Variants in ATG7 observed in about 807,000 individuals in gnomAD.
ATG7 encodes ubiquitin-like modifier-activating enzyme ATG7.
In ATG7, 70 loss-of-function variants were observed where a neutral mutation model predicts 82.4. The observed-to-expected ratio is 0.85, with a 90% CI of 0.70 to 1.04. ATG7 has a LOEUF of 1.04. Among genes scored for constraint, ATG7 ranks in the 50% least tolerant of loss-of-function variants. The pLI is 0.00. For synonymous variants in ATG7, 287 were observed against 313.0 expected (o/e 0.92, Z 0.88); for missense variants, 792 against 864.3 (o/e 0.92, Z 1.05).
intron 9 of ATG7, among the ~76,000 whole-genome samples, chr3:11,323,713 C>A (rs1950498502): frequency 6.6e-6 from 1 of 152,204 alleles, no homozygotes; most frequent in South Asian, 2.1e-4. Flanking sequence ...TGGACAAGAG[C>A]AATAGCCAAG....
intron 11 of ATG7, among the ~76,000 whole-genome samples, chr3:11,334,638 G>C (rs1252408098): frequency 2.0e-5 from 3 of 151,830 alleles, no homozygotes; most frequent in African/African-American, 7.3e-5. Flanking sequence ...AAATGTGTGT[G>C]TGTGTGATGG....
chr3:11,358,008 CAAAA>C (rs549902316), intron 14 of ATG7, among the ~76,000 whole-genome samples: 1 of 80,908 alleles, frequency 1.2e-5, no homozygotes, highest in African/African-American at 4.1e-5. Flanking sequence ...GACCTTGTCT[CAAAA>C]AAAAAAAAAA....
chr3:11,361,466 G>C (rs1235430632), intron 16 of ATG7, among the ~76,000 whole-genome samples: 1 of 151,776 alleles, frequency 6.6e-6, no homozygotes, highest in Non-Finnish European at 1.5e-5. Flanking sequence ...TGTATTTTTA[G>C]TAGAGACGGG....
At chr3:11,468,574 G>C (rs536379304) in intron 20 of ATG7, among the ~76,000 whole-genome samples, 9 of 152,220 alleles carry the variant, frequency 5.9e-5, no homozygotes, top group African/African-American at 2.2e-4. Flanking sequence ...TAGCCCTCTC[G>C]ATCCCCACAG....
intron 19 of ATG7, among the ~76,000 whole-genome samples, chr3:11,393,639 G>A (rs1256686787): frequency 6.6e-6 from 1 of 152,136 alleles, no homozygotes; most frequent in East Asian, 1.9e-4. Context: ...GCTCACCATG[G>A]GGCAGAGAAG....
At chr3:11,307,445 C>T (rs1173651492) in intron 6 of ATG7, among the ~76,000 whole-genome samples, 2 of 152,218 alleles carry the variant, frequency 1.3e-5, no homozygotes, top group Non-Finnish European at 1.5e-5. Context: ...CAATCCTGTG[C>T]ACCATGGCGG....
intron 3 of ATG7, chr3:11,288,799 T>G (rs930342924): frequency 1.1e-4 from 16 of 152,192 alleles, no homozygotes; most frequent in Non-Finnish European, 1.9e-4. Context: ...GTGACTGAGT[T>G]TTATTTTCAT....
chr3:11,442,745 A>C (rs1490954074), intron 20 of ATG7, among the ~76,000 whole-genome samples: 23 of 132,388 alleles, frequency 1.7e-4, no homozygotes, highest in South Asian at 2.3e-4. Flanking sequence ...TCTACAAAAA[A>C]AAAAAAAAAA....
At chr3:11,524,773 C>CA (rs1351390388) in intron 20 of ATG7, among the ~76,000 whole-genome samples, 2 of 151,674 alleles carry the variant, frequency 1.3e-5, no homozygotes, top group Non-Finnish European at 2.9e-5. Flanking sequence ...GGCAACAGAG[C>CA]AAAACCCTGT....
At chr3:11,324,349 T>C (rs1205750311) in intron 9 of ATG7, among the ~76,000 whole-genome samples, 2 of 152,368 alleles carry the variant, frequency 1.3e-5, no homozygotes, top group East Asian at 3.9e-4. Flanking sequence ...AGATAGATTC[T>C]GAGTTGATTC....
At chr3:11,537,518 C>A (rs555308179) in intron 20 of ATG7, among the ~76,000 whole-genome samples, 3 of 152,302 alleles carry the variant, frequency 2.0e-5, no homozygotes, top group Non-Finnish European at 4.4e-5. Context: ...AGACTTCCTT[C>A]ATAGAGCCCC....
chr3:11,303,831 T>C (rs1345875214), intron 5 of ATG7, among the ~76,000 whole-genome samples: 1 of 150,914 alleles, frequency 6.6e-6, no homozygotes, highest in Non-Finnish European at 1.5e-5. Flanking sequence ...TCCCAGCACT[T>C]TGGGAGGCCG....
chr3:11,388,712 G>GC (rs1405145443), intron 19 of ATG7, among the ~76,000 whole-genome samples: 1 of 151,976 alleles, frequency 6.6e-6, no homozygotes, highest in African/African-American at 2.4e-5. Context: ...ACAGGTGTGA[G>GC]CCACTGCGCC....
intron 18 of ATG7, among the ~76,000 whole-genome samples, chr3:11,366,779 A>G (rs1372990087): frequency 2.6e-5 from 4 of 152,132 alleles, no homozygotes; most frequent in Non-Finnish European, 5.9e-5. Context: ...CCATGTTTTT[A>G]AAGTACTATG....
At chr3:11,543,270 G>A (rs534230089) in intron 20 of ATG7, among the ~76,000 whole-genome samples, 1 of 152,348 alleles carries the variant, frequency 6.6e-6, no homozygotes, top group South Asian at 2.1e-4. Flanking sequence ...TGGAACCCCG[G>A]AGCAGTGGGT....
chr3:11,494,330 G>A (rs1334866113), intron 20 of ATG7, among the ~76,000 whole-genome samples: 1 of 152,220 alleles, frequency 6.6e-6, no homozygotes, highest in Non-Finnish European at 1.5e-5. Context: ...GGGGTCTGGT[G>A]TCTCATTGTC....
chr3:11,567,757 G>C, the ATG7 span, among the ~76,000 whole-genome samples: 3 of 152,320 alleles, frequency 2.0e-5, no homozygotes, highest in South Asian at 6.2e-4. Context: ...CTTGGTTCCT[G>C]AATACTCAGT....
chr3:11,358,290 A>G (rs2152807802), intron 14 of ATG7, 128 bp from the exon 15 acceptor site: 1 of 909,002 alleles, frequency 1.1e-6, no homozygotes, highest in Non-Finnish European at 1.7e-6. Context: ...AGGGTGCAGC[A>G]TAATAGTGCA....
intron 12 of ATG7, among the ~76,000 whole-genome samples, chr3:11,341,728 G>A (rs1417608930): frequency 1.3e-5 from 2 of 152,198 alleles, no homozygotes; most frequent in East Asian, 1.9e-4. Flanking sequence ...GATTACAGGC[G>A]TGAGCCGCTG....
Sources: gnomAD v4.1 joint callset for allele counts (sites outside exome capture counted in the v4.1 genomes callset) on GRCh38, gnomAD v4.1.1 for gene constraint, MANE v1.5 for transcripts, NCBI Gene and HGNC (gene_info 2026-07-23, HGNC 2026-07-21) for gene names.